The following LUZP2 variants were observed in gnomAD, a reference collection of about 807,000 sequenced individuals.
The protein encoded by LUZP2 is leucine zipper protein 2.
LUZP2 carries 52 observed loss-of-function variants against 51.6 expected under a neutral mutation model. The ratio of observed to expected loss-of-function variants is 1.01; its 90% CI spans 0.81 to 1.27. The LOEUF is 1.27. Ranked by LOEUF, LUZP2 falls within the 50% of genes most tolerant of loss-of-function variation. LUZP2 has a pLI of 0.00. For synonymous variants in LUZP2, 154 were observed against 137.3 expected (o/e 1.12, Z -0.85); for missense variants, 436 against 395.4 (o/e 1.10, Z -0.87).
chr11:24,601,016 T>A (rs572832947), intron 1 of LUZP2, among the ~76,000 whole-genome samples: 1 of 152,124 alleles, frequency 6.6e-6, no homozygotes, highest in Non-Finnish European at 1.5e-5. Context: ...ATTTAGATGA[T>A]CTGATTGAAC....
intron 1 of LUZP2, among the ~76,000 whole-genome samples, chr11:24,635,273 T>A (rs1236068168): frequency 6.6e-6 from 1 of 152,138 alleles, no homozygotes; most frequent in East Asian, 1.9e-4. Flanking sequence ...ACACTATTTA[T>A]AATTTGTATA....
At chr11:25,030,159 T>C (rs1164019515) in intron 9 of LUZP2, among the ~76,000 whole-genome samples, 1 of 152,196 alleles carries the variant, frequency 6.6e-6, no homozygotes, top group Non-Finnish European at 1.5e-5. Flanking sequence ...CTTTAAGAAA[T>C]ATGGCTAGTA....
intron 1 of LUZP2, among the ~76,000 whole-genome samples, chr11:24,619,280 T>A (rs11028070): frequency 0.13 from 20,408 of 152,080 alleles, 1,721 homozygotes; most frequent in East Asian, 0.24. Context: ...GCAATCCTCC[T>A]GCCTCAGCCT....
intron 1 of LUZP2, among the ~76,000 whole-genome samples, chr11:24,703,491 G>A (rs1590370661): frequency 6.6e-6 from 1 of 152,082 alleles, no homozygotes; most frequent in Non-Finnish European, 1.5e-5. Context: ...AATAGACACA[G>A]TCAGGGAGTT....
intron 1 of LUZP2, among the ~76,000 whole-genome samples, chr11:24,714,623 G>A (rs187618874): frequency 4.6e-5 from 7 of 152,152 alleles, no homozygotes; most frequent in East Asian, 1.9e-4. Flanking sequence ...TAACCCATAC[G>A]TTCATCTACA....
At chr11:24,975,421 G>C (rs1336592976) in intron 7 of LUZP2, among the ~76,000 whole-genome samples, 3 of 152,072 alleles carry the variant, frequency 2.0e-5, no homozygotes, top group Non-Finnish European at 4.4e-5. Flanking sequence ...AGATTATTTA[G>C]AGAAAGTATT....
intron 9 of LUZP2, among the ~76,000 whole-genome samples, chr11:25,014,058 G>C (rs1341390603): frequency 2.0e-5 from 3 of 152,108 alleles, no homozygotes; most frequent in Non-Finnish European, 4.4e-5. Flanking sequence ...CTTCATCCAT[G>C]TCCCTACAAA....
At position 24,677,893 on chromosome 11, in the gene LUZP2, C is replaced by T. The variant is rs537193283; in HGVS notation, c.63-51276C>T. Among the ~76,000 whole-genome samples, 781 of 151,896 alleles carry T rather than the reference C, an allele frequency of 5.1e-3. 1 individual carries two copies. Among genetic ancestry groups the T allele is most frequent in the Non-Finnish European group, 6.8e-3 (462 of 67,962 alleles). On this transcript the variant is annotated intron_variant, in intron 1 of 11. Transcript: ENST00000336930. ...TCTACTAAAAATACAAAAAATTAGCCGGGCATGGTGGCGGGCGCCTGTAGT... is the reference window on the plus strand; with the variant it reads ...TCTACTAAAAATACAAAAAATTAGCTGGGCATGGTGGCGGGCGCCTGTAGT...
intron 7 of LUZP2, among the ~76,000 whole-genome samples, chr11:24,946,017 C>T (rs1358923533): frequency 1.3e-5 from 2 of 151,930 alleles, no homozygotes; most frequent in African/African-American, 4.8e-5. Context: ...TAATTTTTGT[C>T]CCTGATGATT....
intron 4 of LUZP2, among the ~76,000 whole-genome samples, chr11:24,762,023 G>A (rs1205472960): frequency 7.9e-5 from 12 of 151,984 alleles, no homozygotes. Context: ...ACTTATAAAA[G>A]GGTCTGAAGA....
intron 1 of LUZP2, among the ~76,000 whole-genome samples, chr11:24,655,986 G>T (rs995021750): frequency 6.6e-6 from 1 of 152,108 alleles, no homozygotes; most frequent in Non-Finnish European, 1.5e-5. Context: ...TAAAGCATTT[G>T]CCTACTGTTA....
chr11:24,940,163 A>T (rs1442669906), intron 7 of LUZP2, among the ~76,000 whole-genome samples: 1 of 152,200 alleles, frequency 6.6e-6, no homozygotes, highest in Admixed American at 6.5e-5. Flanking sequence ...AAACACACAC[A>T]TTGAAATCTA....
At chr11:24,740,462 C>G (rs1213602186) in intron 4 of LUZP2, among the ~76,000 whole-genome samples, 1 of 152,070 alleles carries the variant, frequency 6.6e-6, no homozygotes, top group Non-Finnish European at 1.5e-5. Flanking sequence ...CTCTTTCCCC[C>G]CAAAATTCTT....
intron 9 of LUZP2, among the ~76,000 whole-genome samples, chr11:25,020,426 G>A (rs1562264): frequency 0.59 from 89,247 of 152,010 alleles, 27,485 homozygotes; most frequent in African/African-American, 0.78. Flanking sequence ...AGCTGCACTT[G>A]TAGCTTATTT....
chr11:25,078,849 T>C lies in LUZP2; in HGVS notation c.*191T>C, dbSNP rs927662378. On this transcript the variant is annotated 3_prime_UTR_variant, in exon 12 of 12. Transcript: ENST00000336930. ...ATCCTTAAGCAATAACCTCATTGAA[T>C]TGAATACCCACAGTCAGAAATATTT... 15 of 516,830 alleles carry C rather than the reference T, an allele frequency of 2.9e-5. No individual in the cohort carries two copies. Among genetic ancestry groups the C allele is most frequent in the Non-Finnish European group, 4.4e-5 (13 of 298,182 alleles). 32.0% of individuals were successfully genotyped at this position (516,830 alleles called of 1,614,324 possible).
chr11:24,960,865 C>T lies in LUZP2; in HGVS notation c.523-15726C>T, dbSNP rs527880577. Reference sequence around the variant, plus strand: ...GGGTGTCAGTTTTGGATCTTTCCTGCTTTCTCTTGTGGGCATTTAGTGCTA... The same window carrying T: ...GGGTGTCAGTTTTGGATCTTTCCTGTTTTCTCTTGTGGGCATTTAGTGCTA... On this transcript the variant is annotated intron_variant, in intron 7 of 11. Coordinates refer to ENST00000336930, the MANE Select transcript of LUZP2 (RefSeq NM_001009909.4). Among the ~76,000 whole-genome samples the T allele has an allele frequency of 1.2e-4, 19 of 152,132 alleles. No homozygotes were observed. The South Asian group carries it at 4.0e-3, about 32-fold the overall frequency.
At chr11:25,011,310 A>G (rs1856977796) in intron 9 of LUZP2, among the ~76,000 whole-genome samples, 1 of 152,156 alleles carries the variant, frequency 6.6e-6, no homozygotes, top group Non-Finnish European at 1.5e-5. Flanking sequence ...AACTTATTCT[A>G]TCATGTTGAG....
chr11:25,047,537 C>T (rs916332106), intron 9 of LUZP2, among the ~76,000 whole-genome samples: 4 of 151,884 alleles, frequency 2.6e-5, no homozygotes, highest in Admixed American at 6.6e-5. Flanking sequence ...CATACCTTTT[C>T]TTCAGTTTCT....
chr11:24,854,713 CA>C (rs1458674616), intron 5 of LUZP2, among the ~76,000 whole-genome samples: 1 of 150,890 alleles, frequency 6.6e-6, no homozygotes, highest in African/African-American at 2.4e-5. Context: ...GGCATCTGCC[CA>C]AACAACTGCC....
Sources: gnomAD v4.1 joint callset for allele counts (sites outside exome capture counted in the v4.1 genomes callset) on GRCh38, gnomAD v4.1.1 for gene constraint, MANE v1.5 for transcripts, NCBI Gene and HGNC (gene_info 2026-07-23, HGNC 2026-07-21) for gene names.